CSMD1: variants seen among roughly 807,000 people sequenced by gnomAD.
CSMD1 encodes CUB and sushi domain-containing protein 1.
In CSMD1, 213 loss-of-function variants were observed where a neutral mutation model predicts 417.5. The ratio of observed to expected loss-of-function variants is 0.51; its 90% CI spans 0.46 to 0.57. The LOEUF (loss-of-function observed/expected upper bound fraction) is 0.57, where lower values mean the gene tolerates loss of function less well. CSMD1 is among the 20% of genes least tolerant of loss of function. The probability of loss-of-function intolerance (pLI) is 0.00; values close to 1 mark genes in which losing one functional copy is unlikely to be tolerated. For missense variants in CSMD1, 6,923 were observed against 4,529.7 expected, an observed-to-expected ratio of 1.53 and a Z score of -15.17; for synonymous variants, 2,862 against 1,736.8, an observed-to-expected ratio of 1.65 and a Z score of -16.11.
intron 35 of CSMD1, among the ~76,000 whole-genome samples, chr8:3,188,485 T>G (rs1796220421): frequency 6.6e-6 from 1 of 151,648 alleles, no homozygotes; most frequent in African/African-American, 2.4e-5. Flanking sequence ...TTTTATATTT[T>G]TAGTAGAGAC....
chr8:3,483,975 A>G (rs1161959980), intron 11 of CSMD1, among the ~76,000 whole-genome samples: 2 of 152,236 alleles, frequency 1.3e-5, no homozygotes, highest in Non-Finnish European at 2.9e-5. Context: ...TAACATAGTA[A>G]ATATGTCAAT....
chr8:4,068,409 G>C (rs1233498605), intron 3 of CSMD1, among the ~76,000 whole-genome samples: 2 of 152,136 alleles, frequency 1.3e-5, no homozygotes, highest in East Asian at 1.9e-4. Context: ...ACTGGGGAGA[G>C]ACATGAAAAG....
At chr8:3,550,416 C>T (rs2116774865) in intron 10 of CSMD1, among the ~76,000 whole-genome samples, 1 of 152,284 alleles carries the variant, frequency 6.6e-6, no homozygotes, top group East Asian at 1.9e-4. Context: ...AGGCATGGCT[C>T]AGCAGACAGC....
chr8:3,256,520 G>T (rs1357274894), intron 26 of CSMD1, among the ~76,000 whole-genome samples: 3 of 152,122 alleles, frequency 2.0e-5, no homozygotes, highest in African/African-American at 7.2e-5. Flanking sequence ...ATCTCCTTTA[G>T]GATTTATTGC....
chr8:3,634,631 C>T (rs1366858609), intron 7 of CSMD1, among the ~76,000 whole-genome samples: 3 of 152,256 alleles, frequency 2.0e-5, no homozygotes, highest in Non-Finnish European at 4.4e-5. Flanking sequence ...TATCAAATTA[C>T]TTAACTCGAG....
intron 2 of CSMD1, among the ~76,000 whole-genome samples, chr8:4,487,685 T>A (rs966556389): frequency 6.6e-6 from 1 of 152,138 alleles, no homozygotes; most frequent in African/African-American, 2.4e-5. Flanking sequence ...AATAATTAAG[T>A]CCATTTAAAA....
intron 3 of CSMD1, among the ~76,000 whole-genome samples, chr8:4,066,783 G>T (rs991219032): frequency 6.6e-6 from 1 of 152,108 alleles, no homozygotes; most frequent in Non-Finnish European, 1.5e-5. Context: ...GGCGAGAAAC[G>T]AATGCAAGCT....
intron 56 of CSMD1, 107 bp downstream of exon 56, chr8:2,974,344 T>C: frequency 2.8e-6 from 3 of 1,087,686 alleles, no homozygotes; most frequent in Non-Finnish European, 3.8e-6. Context: ...AATAAATGCA[T>C]AATTATAGGG....
At chr8:4,834,936 G>C (rs568771553) in intron 1 of CSMD1, among the ~76,000 whole-genome samples, 4 of 118,348 alleles carry the variant, frequency 3.4e-5, no homozygotes, top group Non-Finnish European at 6.4e-5. Context: ...CAGCCTGGGC[G>C]ACAGGGCCAG....
chr8:3,303,719 T>C (rs201666520), intron 25 of CSMD1, among the ~76,000 whole-genome samples: 1 of 152,236 alleles, frequency 6.6e-6, no homozygotes, highest in East Asian at 1.9e-4. Context: ...GCTGTTACTT[T>C]TGTTACATAA....
chr8:4,933,149 T>A (rs565896016), intron 1 of CSMD1, among the ~76,000 whole-genome samples: 1 of 152,296 alleles, frequency 6.6e-6, no homozygotes, highest in East Asian at 1.9e-4. Context: ...ATGTTTTTCT[T>A]TTTTACTTTT....
At chr8:4,683,760 A>G (rs781637814) in intron 1 of CSMD1, among the ~76,000 whole-genome samples, 29 of 152,226 alleles carry the variant, frequency 1.9e-4, no homozygotes, top group Non-Finnish European at 3.8e-4. Flanking sequence ...TAGCTCAGAC[A>G]TACATCTATG....
intron 3 of CSMD1, among the ~76,000 whole-genome samples, chr8:4,163,684 CAT>C (rs909728000): frequency 1.1e-4 from 17 of 152,174 alleles, no homozygotes; most frequent in African/African-American, 3.9e-4. Flanking sequence ...CAAGAAGTAA[CAT>C]ATAAATAATA....
At chr8:4,740,568 T>A (rs969907724) in intron 1 of CSMD1, among the ~76,000 whole-genome samples, 29 of 152,190 alleles carry the variant, frequency 1.9e-4, no homozygotes, top group African/African-American at 6.5e-4. Flanking sequence ...TAAATCATTT[T>A]TTATTATGGT....
At chr8:3,456,151 C>G (rs139177958) in intron 12 of CSMD1, among the ~76,000 whole-genome samples, 151 of 152,280 alleles carry the variant, frequency 9.9e-4, no homozygotes, top group African/African-American at 3.2e-3. Flanking sequence ...TTTGCTAAGA[C>G]CTTTAGAAAA....
At chr8:3,420,778 A>G (rs1466000408) in intron 12 of CSMD1, among the ~76,000 whole-genome samples, 1 of 152,158 alleles carries the variant, frequency 6.6e-6, no homozygotes, top group Non-Finnish European at 1.5e-5. Context: ...ACATTCTATT[A>G]CTTTCACCAT....
chr8:4,332,606 C>G lies in CSMD1; in HGVS notation c.415+87347G>C, dbSNP rs969921276. Among the ~76,000 whole-genome samples the G allele has an allele frequency of 1.8e-4, 23 of 125,522 alleles. No individual in the cohort carries two copies. In the East Asian group the frequency reaches 1.9e-3, roughly 10 times the overall value. 82.3% of individuals were successfully genotyped at this position (125,522 alleles called of 152,430 possible). ...ACACACACACACACACACACACACA[C>G]AGAGTCATATGCAGAGACATTCAGA... On this transcript the variant is annotated intron_variant, in intron 3 of 69. Coordinates refer to ENST00000635120, the MANE Select transcript of CSMD1 (RefSeq NM_033225.6).
At chr8:4,587,754 A>G (rs957291018) in intron 2 of CSMD1, among the ~76,000 whole-genome samples, 1 of 152,216 alleles carries the variant, frequency 6.6e-6, no homozygotes, top group Non-Finnish European at 1.5e-5. Context: ...CTTTGCATTT[A>G]TAGTAGATGC....
At chr8:3,625,237 A>T (rs1273927843) in intron 7 of CSMD1, among the ~76,000 whole-genome samples, 2 of 152,218 alleles carry the variant, frequency 1.3e-5, no homozygotes, top group African/African-American at 2.4e-5. Flanking sequence ...GAGCAACATT[A>T]GAAGCTTTAA....
Sources: allele counts gnomAD v4.1 joint callset (sites outside exome capture counted in the v4.1 genomes callset), GRCh38; gene constraint gnomAD v4.1.1; transcripts MANE v1.5; gene names NCBI Gene and HGNC (gene_info 2026-07-23, HGNC 2026-07-21).